The following PIK3R6 variants were observed in gnomAD, a reference collection of about 807,000 sequenced individuals.
PIK3R6 encodes the protein phosphoinositide-3-kinase regulatory subunit 6.
In PIK3R6, 91 loss-of-function variants were observed where a neutral mutation model predicts 84.9. That is an observed-to-expected ratio of 1.07 (90% confidence interval 0.90 to 1.28). The LOEUF (loss-of-function observed/expected upper bound fraction) is 1.28, where lower values mean the gene tolerates loss of function less well. PIK3R6 is among the 50% of genes most tolerant of loss of function. The probability of loss-of-function intolerance (pLI) is 0.00; values close to 1 mark genes in which losing one functional copy is unlikely to be tolerated. For missense variants in PIK3R6, 996 were observed against 985.1 expected (o/e 1.01, Z -0.15); for synonymous variants, 416 against 411.4 (o/e 1.01, Z -0.13).
chr17:8,822,185 A>G (rs2151210277), intron 16 of PIK3R6, among the ~76,000 whole-genome samples: 1 of 151,578 alleles, frequency 6.6e-6, no homozygotes, highest in East Asian at 1.9e-4. Context: ...CCACGGTGCC[A>G]GACCCGGTTT....
intron 15 of PIK3R6, 141 bp from the exon 16 acceptor site, chr17:8,822,798 G>C: frequency 9.9e-7 from 1 of 1,005,212 alleles, no homozygotes; most frequent in Non-Finnish European, 1.5e-6. Context: ...ACACCTCCGG[G>C]GGCCAGGATG....
At chr17:8,819,651 TTTA>T (rs1158494393) in intron 17 of PIK3R6, among the ~76,000 whole-genome samples, 1 of 145,576 alleles carries the variant, frequency 6.9e-6, no homozygotes, top group African/African-American at 2.6e-5. Context: ...ACTTTCTTTT[TTTA>T]TTATTATTTT....
At chr17:8,834,563 T>TA (rs199961146) in intron 8 of PIK3R6, among the ~76,000 whole-genome samples, 1 of 151,460 alleles carries the variant, frequency 6.6e-6, no homozygotes, top group Admixed American at 6.6e-5. Context: ...TTTTTTTTTT[T>TA]ATTACTTTTT....
At chr17:8,855,632 T>A (rs1313044256) in intron 1 of PIK3R6, among the ~76,000 whole-genome samples, 1 of 152,220 alleles carries the variant, frequency 6.6e-6, no homozygotes, top group African/African-American at 2.4e-5. Flanking sequence ...CTGGGATACA[T>A]GTGCAGAACG....
intron 2 of PIK3R6, among the ~76,000 whole-genome samples, chr17:8,840,989 T>C (rs1446554791): frequency 6.6e-6 from 1 of 152,046 alleles, no homozygotes; most frequent in Non-Finnish European, 1.5e-5. Context: ...CCTGACCTCG[T>C]GATCTGCCCG....
chr17:8,854,312 G>C (rs184679829), intron 1 of PIK3R6, among the ~76,000 whole-genome samples: 1 of 152,050 alleles, frequency 6.6e-6, no homozygotes, highest in East Asian at 1.9e-4. Flanking sequence ...CCATGCCCAG[G>C]TAATTTTTGT....
In PIK3R6 at chr17:8,849,901, T is replaced by C; in HGVS notation, c.-91-16A>G. ...AGAGGTGGTTCTGCAAAATAAGAGG[T>C]AGTTAATTAGTGGAAGCAGTGGGAA... On this transcript the variant is annotated splice_polypyrimidine_tract_variant and intron_variant, in intron 1 of 19. Coordinates refer to ENST00000619866, the MANE Select transcript of PIK3R6 (RefSeq NM_001010855.4). 1 of 1,434,230 alleles carries C rather than the reference T, an allele frequency of 7.0e-7. No individual in the cohort carries two copies. Among genetic ancestry groups the C allele is most frequent in the Non-Finnish European group, 9.5e-7 (1 of 1,054,930 alleles). The allele number at this position is 1,434,230 out of a possible 1,614,324, so 88.8% of individuals were successfully genotyped here. A position where few individuals can be genotyped will look rare whatever the true frequency, so the allele number is the denominator to read the frequency against.
rs140307891 is a variant in PIK3R6, at chr17:8,857,190, A to G, written c.-91-7305T>C. The stretch of plus-strand genomic sequence containing the variant: ...TTAGTTTTCTTGGCTAGTCATTAGA[A>G]TGCGAACTCGGCAAATACTGGGATG... On this transcript the variant is annotated intron_variant, in intron 1 of 19. Coordinates refer to ENST00000619866, the MANE Select transcript of PIK3R6 (RefSeq NM_001010855.4). Among the ~76,000 whole-genome samples the G allele has an allele frequency of 7.7e-4, 117 of 152,344 alleles. 1 individual carries two copies. The highest frequency in any genetic ancestry group is 2.6e-3 in the African/African-American group (108 of 41,570).
At chr17:8,808,826 C>G (rs1233319554) in intron 18 of PIK3R6, among the ~76,000 whole-genome samples, 1 of 152,050 alleles carries the variant, frequency 6.6e-6, no homozygotes, top group Non-Finnish European at 1.5e-5. Flanking sequence ...GGGAATGAGG[C>G]CAACAAGTAA....
At chr17:8,829,882 CT>C in intron 9 of PIK3R6, 90 bp from the exon 10 acceptor site, 1 of 1,026,738 alleles carries the variant, frequency 9.7e-7, no homozygotes, top group Non-Finnish European at 1.4e-6. Flanking sequence ...TGTGCGGGGT[CT>C]TAGAGAGGTG....
intron 12 of PIK3R6, 113 bp downstream of exon 12, chr17:8,827,999 G>T: frequency 9.0e-7 from 1 of 1,115,142 alleles, no homozygotes; most frequent in Non-Finnish European, 1.3e-6. Context: ...ACATTCTAAG[G>T]ATGCTTACTC....
intron 17 of PIK3R6, among the ~76,000 whole-genome samples, chr17:8,819,751 TAC>T (rs904282948): frequency 9.5e-5 from 14 of 146,610 alleles, no homozygotes; most frequent in Non-Finnish European, 1.6e-4. Context: ...TATATATACA[TAC>T]ACACGTATAT....
chr17:8,849,580 G>A (rs1285260832), intron 2 of PIK3R6, among the ~76,000 whole-genome samples: 1 of 152,220 alleles, frequency 6.6e-6, no homozygotes, highest in African/African-American at 2.4e-5. Context: ...AGTGTCCAGC[G>A]AGCAGTTGGA....
intron 10 of PIK3R6, among the ~76,000 whole-genome samples, 183 bp downstream of exon 10, chr17:8,829,523 C>T (rs1249023365): frequency 6.9e-6 from 1 of 144,202 alleles, no homozygotes; most frequent in Non-Finnish European, 1.6e-5. Flanking sequence ...TGCATACACA[C>T]ACACTGACAC....
At chr17:8,864,536 T>TTTG (rs2089359597) in intron 1 of PIK3R6, among the ~76,000 whole-genome samples, 1 of 133,136 alleles carries the variant, frequency 7.5e-6, no homozygotes, top group African/African-American at 2.9e-5. Context: ...GCTCTTTTTT[T>TTTG]TTTTTTTTTT....
chr17:8,831,099 T>C (rs1200774322), intron 9 of PIK3R6, among the ~76,000 whole-genome samples: 2 of 137,986 alleles, frequency 1.4e-5, no homozygotes, highest in Admixed American at 7.7e-5. Flanking sequence ...TGAGCGGAGA[T>C]TGAGCCACTG....
intron 2 of PIK3R6, among the ~76,000 whole-genome samples, chr17:8,841,888 C>T (rs564949618): frequency 1.3e-5 from 2 of 152,190 alleles, no homozygotes; most frequent in South Asian, 4.2e-4. Context: ...AATTTGTTCC[C>T]CAGTGTTGGA....
At chr17:8,847,963 A>G (rs1567606856) in intron 2 of PIK3R6, among the ~76,000 whole-genome samples, 1 of 152,080 alleles carries the variant, frequency 6.6e-6, no homozygotes, top group Non-Finnish European at 1.5e-5. Flanking sequence ...TGCTTATTGC[A>G]GTCTTGGTGG....
In PIK3R6 at chr17:8,804,054, T is replaced by G; in HGVS notation, c.2095A>C (p.Arg699=). 1 of 1,613,860 alleles carries G rather than the reference T, an allele frequency of 6.2e-7. No homozygotes were observed. Among genetic ancestry groups the G allele is most frequent in the Non-Finnish European group, 8.5e-7 (1 of 1,179,740 alleles). ...GCCCAGCCTCACCTGACCACATCCC[T>G]GAAAGTGCGTTGATCGTCCTTGTCC... The part of the protein sequence containing the change: ...SLDKDDQRTF[R]DVVRFEVAPC... Residue 699 remains arginine (R), a synonymous_variant, in exon 19 of 20, where the codon AGG becomes CGG. Coordinates refer to ENST00000619866, the MANE Select transcript of PIK3R6 (RefSeq NM_001010855.4).
Sources: gnomAD v4.1 joint callset for allele counts (sites outside exome capture counted in the v4.1 genomes callset) on GRCh38, gnomAD v4.1.1 for gene constraint, MANE v1.5 for transcripts, NCBI Gene and HGNC (gene_info 2026-07-23, HGNC 2026-07-21) for gene names.